The following LRRTM4 variants were observed in gnomAD, a reference collection of about 807,000 sequenced individuals.
The protein encoded by LRRTM4 is leucine-rich repeat transmembrane neuronal protein 4.
In LRRTM4, 25 loss-of-function variants were observed where a neutral mutation model predicts 47.6. That is an observed-to-expected ratio of 0.53 (90% CI 0.38 to 0.73). LRRTM4 has a LOEUF of 0.73. Among genes scored for constraint, LRRTM4 ranks in the 30% least tolerant of loss-of-function variants. The pLI is 0.00. For synonymous variants in LRRTM4, 311 were observed against 269.5 expected (o/e 1.15, Z -1.51); for missense variants, 638 against 713.4 (o/e 0.89, Z 1.20).
intron 3 of LRRTM4, among the ~76,000 whole-genome samples, chr2:77,251,464 T>C (rs990443930): frequency 3.9e-5 from 6 of 152,008 alleles, no homozygotes; most frequent in Admixed American, 3.3e-4. Context: ...CTAAGTAATA[T>C]GTGTACTTGA....
chr2:76,832,397 G>A (rs537423549), intron 3 of LRRTM4, among the ~76,000 whole-genome samples: 1 of 149,600 alleles, frequency 6.7e-6, no homozygotes, highest in Admixed American at 6.7e-5. Flanking sequence ...AACTGCACAT[G>A]CTGTGATTTC....
intron 3 of LRRTM4, among the ~76,000 whole-genome samples, chr2:77,253,244 G>T (rs1675671485): frequency 6.6e-6 from 1 of 152,070 alleles, no homozygotes; most frequent in African/African-American, 2.4e-5. Context: ...AAAATGGGAG[G>T]ATCCCATACT....
intron 3 of LRRTM4, among the ~76,000 whole-genome samples, chr2:77,188,091 C>G (rs1673561017): frequency 6.6e-6 from 1 of 152,068 alleles, no homozygotes; most frequent in African/African-American, 2.4e-5. Context: ...TGACTGTTTA[C>G]TCCCTGTAAC....
chr2:77,486,405 TATTC>T (rs1022658942), intron 3 of LRRTM4, among the ~76,000 whole-genome samples: 5 of 152,224 alleles, frequency 3.3e-5, no homozygotes, highest in Non-Finnish European at 7.3e-5. Flanking sequence ...ATATCTTTCT[TATTC>T]ATTCTTTCAA....
chr2:77,083,783 C>CTTTTTTTTTTTTTTTT lies in LRRTM4; in HGVS notation c.1552-334883_1552-334868dup, dbSNP rs386390525. Among the ~76,000 whole-genome samples the CTTTTTTTTTTTTTTTT allele has an allele frequency of 7.6e-4, 40 of 52,396 alleles. 9 individuals carry two copies. Among genetic ancestry groups the CTTTTTTTTTTTTTTTT allele is most frequent in the Non-Finnish European group, 9.3e-4 (22 of 23,546 alleles). 34.4% of individuals were successfully genotyped at this position (52,396 alleles called of 152,430 possible). ...ACTTCTCAATTTTTAACTGGACACA[C>CTTTTTTTTTTTTTTTT]TTTTTTTTTTTTTTTTTTTTTTTTT... On this transcript the variant is annotated intron_variant, in intron 3 of 3. Transcript: ENST00000409884.
chr2:76,833,047 T>C (rs924579045), intron 3 of LRRTM4, among the ~76,000 whole-genome samples: 1 of 152,132 alleles, frequency 6.6e-6, no homozygotes, highest in African/African-American at 2.4e-5. Flanking sequence ...TGATGTTGAA[T>C]TGTTTAAAGC....
intron 3 of LRRTM4, among the ~76,000 whole-genome samples, chr2:77,031,695 A>G (rs1412710835): frequency 6.6e-6 from 1 of 151,792 alleles, no homozygotes. Context: ...GAACGTCTCC[A>G]GTCAATAATG....
intron 3 of LRRTM4, among the ~76,000 whole-genome samples, chr2:76,908,591 A>G (rs1010059072): frequency 1.3e-5 from 2 of 151,926 alleles, no homozygotes; most frequent in African/African-American, 4.8e-5. Flanking sequence ...TATCTAGAAA[A>G]CCCCATTGTC....
intron 3 of LRRTM4, among the ~76,000 whole-genome samples, chr2:77,502,829 T>C (rs1331656844): frequency 6.6e-6 from 1 of 151,744 alleles, no homozygotes; most frequent in Admixed American, 6.6e-5. Context: ...CTGCAACGGC[T>C]TCCTGAGGAG....
intron 3 of LRRTM4, among the ~76,000 whole-genome samples, chr2:77,133,448 G>A (rs917833494): frequency 1.3e-5 from 2 of 152,042 alleles, no homozygotes; most frequent in Non-Finnish European, 2.9e-5. Flanking sequence ...ACAAAAATTT[G>A]TCCAATTAAC....
At chr2:76,833,184 G>A (rs1382415616) in intron 3 of LRRTM4, among the ~76,000 whole-genome samples, 2 of 152,144 alleles carry the variant, frequency 1.3e-5, no homozygotes, top group African/African-American at 2.4e-5. Context: ...TTGAAACCAT[G>A]AAAGTAAATG....
intron 3 of LRRTM4, among the ~76,000 whole-genome samples, chr2:76,959,345 A>G (rs752416165): frequency 1.3e-5 from 2 of 151,622 alleles, no homozygotes; most frequent in Non-Finnish European, 3.0e-5. Context: ...ACTGAAATGA[A>G]GAAAGTCACA....
intron 3 of LRRTM4, among the ~76,000 whole-genome samples, chr2:77,438,868 T>C (rs1417411974): frequency 6.6e-6 from 1 of 152,194 alleles, no homozygotes; most frequent in Non-Finnish European, 1.5e-5. Context: ...TAATACCCAC[T>C]TCTAGTGTGG....
intron 3 of LRRTM4, among the ~76,000 whole-genome samples, chr2:76,966,825 A>G (rs1676040679): frequency 6.6e-6 from 1 of 151,500 alleles, no homozygotes; most frequent in Non-Finnish European, 1.5e-5. Context: ...GATTCTTAAT[A>G]ACATTCTCTG....
intron 3 of LRRTM4, among the ~76,000 whole-genome samples, chr2:76,827,431 T>A (rs116543075): frequency 0.011 from 1,727 of 151,788 alleles, 41 homozygotes; most frequent in African/African-American, 0.039. Flanking sequence ...AGCGTTTGAG[T>A]CCCCCTTAAA....
chr2:76,776,614 T>C (rs548599458), intron 3 of LRRTM4, among the ~76,000 whole-genome samples: 2 of 152,202 alleles, frequency 1.3e-5, no homozygotes, highest in East Asian at 1.9e-4. Flanking sequence ...TGTTTGTTTT[T>C]TTCTTGTAAA....
intron 3 of LRRTM4, among the ~76,000 whole-genome samples, chr2:77,401,738 C>T (rs1190602426): frequency 6.6e-6 from 1 of 151,908 alleles, no homozygotes; most frequent in African/African-American, 2.4e-5. Flanking sequence ...TTTCTAGTTT[C>T]TGACTTTGTA....
intron 3 of LRRTM4, among the ~76,000 whole-genome samples, chr2:77,211,372 T>C (rs1314480309): frequency 6.6e-6 from 1 of 152,156 alleles, no homozygotes; most frequent in Non-Finnish European, 1.5e-5. Context: ...CCTAGCCTCC[T>C]AATCACAGCC....
rs563838084 is a variant in LRRTM4, at chr2:76,861,154, C to T, written c.1552-112238G>A. On this transcript the variant is annotated intron_variant, in intron 3 of 3. Coordinates refer to ENST00000409884, the MANE Select transcript of LRRTM4 (RefSeq NM_001134745.3). ...TGATTTACTTATGTTTAAATTCAGACGAGCTACATTACTTAGACAGTGAAG... is the reference window on the plus strand; with the variant it reads ...TGATTTACTTATGTTTAAATTCAGATGAGCTACATTACTTAGACAGTGAAG... 2.0e-4 allele frequency among the ~76,000 whole-genome samples: 30 copies of T among 152,126 alleles called. No individual in the cohort carries two copies. The South Asian group carries it at 2.3e-3, about 12-fold the overall frequency.
Sources: allele counts gnomAD v4.1 joint callset (sites outside exome capture counted in the v4.1 genomes callset), GRCh38; gene constraint gnomAD v4.1.1; transcripts MANE v1.5; gene names NCBI Gene and HGNC (gene_info 2026-07-23, HGNC 2026-07-21).